The following DLEC1 variants were observed in gnomAD, a reference collection of about 807,000 sequenced individuals.
DLEC1 encodes deleted in lung and esophageal cancer protein 1.
A neutral mutation model predicts 198.1 loss-of-function variants in DLEC1; 146 were observed. The observed-to-expected ratio is 0.74, with a 90% confidence interval of 0.64 to 0.85. DLEC1 has a LOEUF of 0.85. DLEC1 is among the 40% of genes least tolerant of loss of function. DLEC1 has a pLI of 0.00. For synonymous variants in DLEC1, 897 were observed against 866.8 expected, an observed-to-expected ratio of 1.03 and a Z score of -0.61; for missense variants, 2,233 against 2,220.0, an observed-to-expected ratio of 1.01 and a Z score of -0.12.
chr3:38,115,102 TGTG>T, intron 27 of DLEC1, 49 bp downstream of exon 27: 1 of 1,604,448 alleles, frequency 6.2e-7, no homozygotes, highest in Non-Finnish European at 8.5e-7. Flanking sequence ...GGCTGTGCCT[TGTG>T]GTGAGCCAGG....
Position 38,094,887 on chromosome 3 carries a change from A to G in DLEC1, c.1928A>G (p.Glu643Gly). The change falls in exon 13 of 37, where the codon GAG becomes GGG. Residue 643 changes from glutamate to glycine, a missense_variant. Transcript: ENST00000308059. Reference protein sequence around the residue: ...QLIIRNATHVELAFYWQIMKP... With the variant: ...QLIIRNATHVGLAFYWQIMKP... The stretch of plus-strand genomic sequence containing the variant: ...ATGCGTTGCCCCCACAGGCACGTGG[A>G]GCTGGCCTTCTACTGGCAGATCATG... 6.2e-7 allele frequency: 1 copy of G among 1,613,926 alleles called. No individual in the cohort carries two copies. The highest frequency in any genetic ancestry group is 1.1e-5 in the South Asian group (1 of 91,074).
intron 26 of DLEC1, 121 bp downstream of exon 26, chr3:38,114,581 C>T: frequency 1.0e-6 from 1 of 991,090 alleles, no homozygotes; most frequent in South Asian, 1.5e-5. Flanking sequence ...TTGGTGCCAC[C>T]TACAAGAAGG....
rs757756664 is a variant in DLEC1, at chr3:38,093,769, T to G, written c.1919+2T>G. The G allele has an allele frequency of 6.2e-7, 1 of 1,613,722 alleles. No homozygotes were observed. Among genetic ancestry groups the G allele is most frequent in the African/African-American group, 1.3e-5 (1 of 74,930 alleles). On this transcript the variant is annotated splice_donor_variant, in intron 12 of 36. Transcript: ENST00000308059. LOFTEE classifies it high-confidence loss of function. ...GCAGCTGATTATTAGAAATGCTACG[T>G]GGGTAACCCCTGTGTGTGCCCCAAT...
chr3:38,097,520 C>T lies in DLEC1; in HGVS notation c.2448C>T (p.Val816=), dbSNP rs758661030. ...CTCTCTTCTCAGAGCCCAGTGAGGT[C>T]GGGGATTTTGAGTTGAACTTTACTG... ...PGTGVIEPSE[V]GDFELNFTGG... Residue 816 remains valine (V), a synonymous_variant, in exon 17 of 37, where the codon GTC becomes GTT. Coordinates refer to ENST00000308059, the MANE Select transcript of DLEC1 (RefSeq NM_007335.4). 10 of 1,614,018 alleles carry T rather than the reference C, an allele frequency of 6.2e-6. No homozygotes were observed. The highest frequency in any genetic ancestry group is 2.2e-5 in the East Asian group (1 of 44,886).
At chr3:38,062,408 C>T in intron 4 of DLEC1, 40 bp downstream of exon 4, 2 of 1,611,430 alleles carry the variant, frequency 1.2e-6, no homozygotes, top group Non-Finnish European at 1.7e-6. Flanking sequence ...TTTGGGGGGA[C>T]AGAGAGGCAG....
At chr3:38,079,106 C>G (rs913185520) in intron 6 of DLEC1, among the ~76,000 whole-genome samples, 1 of 151,932 alleles carries the variant, frequency 6.6e-6, no homozygotes, top group Non-Finnish European at 1.5e-5. Context: ...GTAGAGGTAT[C>G]TTATACTTGT....
rs898480462 is a variant in DLEC1, at chr3:38,040,848, A to T, written c.411+1212A>T. 5.4e-5 allele frequency among the ~76,000 whole-genome samples: 8 copies of T among 149,450 alleles called. No homozygotes were observed. In the East Asian group the frequency reaches 7.8e-4, roughly 15 times the overall value. ...AGAAAAAAAGTAATACATATTACAA[A>T]TTTTTTTTTTTGACAGAGTCTGGCT... On this transcript the variant is annotated intron_variant, in intron 1 of 36. Coordinates refer to ENST00000308059, the MANE Select transcript of DLEC1 (RefSeq NM_007335.4).
At chr3:38,081,932 G>A (rs1184148694) in intron 6 of DLEC1, among the ~76,000 whole-genome samples, 9 of 145,410 alleles carry the variant, frequency 6.2e-5, no homozygotes, top group South Asian at 2.2e-4. Flanking sequence ...GGTGGCTGCC[G>A]GGCGGAGATG....
rs182987770 is a variant in DLEC1 at position 38,064,273 on chromosome 3, A to C, written c.1173+354A>C. Among the ~76,000 whole-genome samples, 11 of 152,196 alleles carry C rather than the reference A, an allele frequency of 7.2e-5. No homozygotes were observed. The East Asian group carries it at 2.1e-3, about 29-fold the overall frequency. On this transcript the variant is annotated intron_variant, in intron 6 of 36. Transcript: ENST00000308059. ...CAAAGCACATCTTGCACCGCCCTTA[A>C]TTCATTTAACCCTGAGTGGACAGAG...
intron 34 of DLEC1, 126 bp downstream of exon 34, chr3:38,120,735 G>A: frequency 3.7e-6 from 5 of 1,334,980 alleles, no homozygotes; most frequent in Non-Finnish European, 5.1e-6. Flanking sequence ...CCTGTCCTGG[G>A]GCTCAGTCTC....
At position 38,045,639 on chromosome 3, in the gene DLEC1, G is replaced by A; in HGVS notation, c.508G>A (p.Val170Ile). The change falls in exon 2 of 37, where the codon GTC becomes ATC. Residue 170 changes from valine (V) to isoleucine (I), a missense_variant. Coordinates refer to ENST00000308059, the MANE Select transcript of DLEC1 (RefSeq NM_007335.4). ...ACGGGCTATTGCGGAAAATGAGCGG[G>A]TCATGAGCCAGGCTGGAGTACAGGA... ...QARAIAENER[V>I]MSQAGVQDLE... The A allele has an allele frequency of 6.2e-7, 1 of 1,614,118 alleles. No homozygotes were observed. The highest frequency in any genetic ancestry group is 8.5e-7 in the Non-Finnish European group (1 of 1,180,016).
Position 38,085,327 on chromosome 3 carries a change from A to T in DLEC1, c.1315A>T (p.Ile439Phe), listed in dbSNP as rs1282917821. Residue 439 changes from isoleucine (I) to phenylalanine (F), a missense_variant, in exon 8 of 37, where the codon ATT (isoleucine) becomes TTT (phenylalanine). Ile to Phe is a conservative substitution (Grantham distance 21). Transcript: ENST00000308059. ...MVAPGMTCQY[I>F]VQFFPDCLGD... ...GGCTCCTGGAATGACCTGCCAGTAC[A>T]TTGTCCAGTTTTTTCCCGACTGCCT... 1 of 1,614,074 alleles carries T rather than the reference A, an allele frequency of 6.2e-7. No individual in the cohort carries two copies. Among genetic ancestry groups the T allele is most frequent in the East Asian group, 2.2e-5 (1 of 44,872 alleles).
intron 33 of DLEC1, among the ~76,000 whole-genome samples, chr3:38,118,821 A>G (rs1166637942): frequency 6.6e-6 from 1 of 151,846 alleles, no homozygotes; most frequent in East Asian, 1.9e-4. Flanking sequence ...TGTCTCATCC[A>G]TTTCCAGAGC....
At chr3:38,057,124 A>C (rs79982986) in intron 2 of DLEC1, among the ~76,000 whole-genome samples, 1,968 of 152,372 alleles carry the variant, frequency 0.013, 38 homozygotes, top group African/African-American at 0.043. Flanking sequence ...TCAGGGGTGC[A>C]TCATTAGGGG....
intron 2 of DLEC1, among the ~76,000 whole-genome samples, chr3:38,047,495 A>G (rs886933046): frequency 6.6e-6 from 1 of 152,208 alleles, no homozygotes; most frequent in African/African-American, 2.4e-5. Context: ...AATGTTAATA[A>G]TGTTCTTAGG....
At chr3:38,044,676 G>A (rs1296894962) in intron 1 of DLEC1, among the ~76,000 whole-genome samples, 1 of 152,244 alleles carries the variant, frequency 6.6e-6, no homozygotes, top group Non-Finnish European at 1.5e-5. Flanking sequence ...CCAAGTAGCT[G>A]GGACTACAGG....
intron 2 of DLEC1, 57 bp from the exon 3 acceptor site, chr3:38,059,685 G>T: frequency 1.4e-6 from 2 of 1,458,196 alleles, no homozygotes; most frequent in Admixed American, 1.9e-5. Flanking sequence ...TTGGGTGTGG[G>T]TTCTTCAAAG....
intron 23 of DLEC1, among the ~76,000 whole-genome samples, chr3:38,110,843 CAT>C (rs1256810996): frequency 2.6e-5 from 4 of 152,076 alleles, no homozygotes; most frequent in South Asian, 2.1e-4. Context: ...TGCATACACA[CAT>C]ACACACATGC....
intron 2 of DLEC1, chr3:38,051,837 A>G (rs1701134018): frequency 6.5e-6 from 1 of 153,738 alleles, no homozygotes; most frequent in African/African-American, 2.4e-5. Context: ...ATTATGGAAA[A>G]GAAGCGGATG....
Sources: gnomAD v4.1 joint callset for allele counts (sites outside exome capture counted in the v4.1 genomes callset) on GRCh38, gnomAD v4.1.1 for gene constraint, MANE v1.5 for transcripts, NCBI Gene and HGNC (gene_info 2026-07-23, HGNC 2026-07-21) for gene names.